Variants in RGS7 observed in about 807,000 individuals in gnomAD.
RGS7 encodes regulator of G protein signaling 7, also known as regulator of G-protein signaling 7.
A neutral mutation model predicts 81.1 loss-of-function variants in RGS7; 27 were observed. That is an observed-to-expected ratio of 0.33 (90% confidence interval 0.25 to 0.46). The LOEUF is 0.46. Ranked by LOEUF, RGS7 falls within the 20% of genes least tolerant of loss-of-function variation. The probability of loss-of-function intolerance (pLI) is 1.00; values close to 1 mark genes in which losing one functional copy is unlikely to be tolerated. For synonymous variants in RGS7, 208 were observed against 207.7 expected (o/e 1.00, Z -0.01); for missense variants, 396 against 607.4 (o/e 0.65, Z 3.66).
chr1:241,292,358 G>A (rs1274336594), intron 2 of RGS7, among the ~76,000 whole-genome samples: 1 of 152,060 alleles, frequency 6.6e-6, no homozygotes, highest in African/African-American at 2.4e-5. Context: ...TATTCAACTA[G>A]CAGCTTAGTG....
intron 2 of RGS7, among the ~76,000 whole-genome samples, chr1:241,116,282 G>A (rs1210467543): frequency 6.6e-6 from 1 of 152,040 alleles, no homozygotes; most frequent in African/African-American, 2.4e-5. Flanking sequence ...AGAATACAGT[G>A]AGCCACAGGT....
At chr1:241,263,305 A>G (rs1022457323) in intron 2 of RGS7, among the ~76,000 whole-genome samples, 2 of 151,984 alleles carry the variant, frequency 1.3e-5, no homozygotes, top group African/African-American at 2.4e-5. Context: ...TATATAAAAT[A>G]AAATATTATC....
intron 2 of RGS7, among the ~76,000 whole-genome samples, chr1:241,120,681 C>T (rs963012926): frequency 1.3e-5 from 2 of 152,048 alleles, no homozygotes; most frequent in Admixed American, 1.3e-4. Flanking sequence ...AAATTTTGTA[C>T]TGTACAGAGA....
At chr1:241,356,088 A>G (rs2083545080) in intron 1 of RGS7, among the ~76,000 whole-genome samples, 1 of 152,192 alleles carries the variant, frequency 6.6e-6, no homozygotes. Context: ...ACTCATTTTG[A>G]GAAGTGTTTG....
intron 9 of RGS7, among the ~76,000 whole-genome samples, chr1:240,859,440 G>GTTTTTTTTTTTTTTTTTTTTTTTTTTTCT (rs5782167): frequency 1.8e-5 from 2 of 110,828 alleles, no homozygotes; most frequent in African/African-American, 3.4e-5. Context: ...TTTCTTTCCT[G>GTTTTTTTTTTTTTTTTTTTTTTTTTTTCT]TTTTTTTTTT....
chr1:241,235,085 T>C (rs965609708), intron 2 of RGS7, among the ~76,000 whole-genome samples: 3 of 152,200 alleles, frequency 2.0e-5, no homozygotes, highest in Admixed American at 1.3e-4. Context: ...ATTTATACAA[T>C]GATTCCATGG....
intron 3 of RGS7, among the ~76,000 whole-genome samples, chr1:241,066,767 T>G (rs2062086081): frequency 6.6e-6 from 1 of 152,208 alleles, no homozygotes; most frequent in South Asian, 2.1e-4. Flanking sequence ...CAAATCTATT[T>G]ACATGCATTT....
At chr1:241,148,782 C>T (rs1343737422) in intron 2 of RGS7, among the ~76,000 whole-genome samples, 1 of 152,192 alleles carries the variant, frequency 6.6e-6, no homozygotes, top group Non-Finnish European at 1.5e-5. Context: ...TACTATTTGT[C>T]ATATATATAT....
rs777969498 is a variant in RGS7, at chr1:241,115,783, T to A, written c.79-17021A>T. Among the ~76,000 whole-genome samples, 7 of 151,998 alleles carry A rather than the reference T, an allele frequency of 4.6e-5. No homozygotes were observed. The South Asian group carries it at 1.5e-3, about 32-fold the overall frequency. ...TGACCTATGTAGGAAATCTGTGAAC[T>A]GAGTAAGTAGTCATATGAAACCAAA... On this transcript the variant is annotated intron_variant, in intron 2 of 18. Coordinates refer to ENST00000440928, the MANE Select transcript of RGS7 (RefSeq NM_001364886.1).
At chr1:240,937,835 C>G (rs1006085647) in intron 4 of RGS7, among the ~76,000 whole-genome samples, 7 of 152,112 alleles carry the variant, frequency 4.6e-5, no homozygotes, top group African/African-American at 1.7e-4. Context: ...AAAGATTGTT[C>G]TAGCTTTTAC....
rs148364964 is a variant in RGS7 at position 241,320,040 on chromosome 1, G to A, written c.78+35659C>T. Reference sequence around the variant, plus strand: ...CGGGAGGCGGAGGTTGCAGTGAGCTGAGATTGTGCCACTGCACTCCAGCCT... The same window carrying A: ...CGGGAGGCGGAGGTTGCAGTGAGCTAAGATTGTGCCACTGCACTCCAGCCT... On this transcript the variant is annotated intron_variant, in intron 2 of 18. Transcript: ENST00000440928. 7.5e-3 allele frequency among the ~76,000 whole-genome samples: 1,143 copies of A among 152,266 alleles called. 15 individuals are homozygous for A. Among genetic ancestry groups the A allele is most frequent in the African/African-American group, 0.026 (1,094 of 41,552 alleles).
At chr1:241,259,664 A>AT (rs1397944465) in intron 2 of RGS7, among the ~76,000 whole-genome samples, 32 of 99,340 alleles carry the variant, frequency 3.2e-4, no homozygotes, top group Non-Finnish European at 4.8e-4. Context: ...AAAAAAAAAA[A>AT]AAAATATATA....
chr1:241,329,629 A>T (rs148031504), intron 2 of RGS7, among the ~76,000 whole-genome samples: 1 of 152,198 alleles, frequency 6.6e-6, no homozygotes, highest in Admixed American at 6.5e-5. Flanking sequence ...GTTATTCCAT[A>T]ATGACCATAA....
chr1:241,042,648 G>A (rs1392345172), intron 3 of RGS7, among the ~76,000 whole-genome samples: 1 of 131,474 alleles, frequency 7.6e-6, no homozygotes, highest in Non-Finnish European at 1.6e-5. Flanking sequence ...CCCTTGGCCG[G>A]GCCGGGCTTG....
chr1:241,218,735 C>T (rs2074719987), intron 2 of RGS7, among the ~76,000 whole-genome samples: 2 of 152,304 alleles, frequency 1.3e-5, no homozygotes, highest in Admixed American at 1.3e-4. Context: ...ACCTCCACCT[C>T]CCAGGTTCAC....
chr1:240,841,666 C>A (rs1476862411), intron 9 of RGS7, among the ~76,000 whole-genome samples: 1 of 152,164 alleles, frequency 6.6e-6, no homozygotes, highest in African/African-American at 2.4e-5. Flanking sequence ...TGAAGCATAT[C>A]AAAGATTCAA....
chr1:241,091,735 A>C (rs2063898622), intron 3 of RGS7, among the ~76,000 whole-genome samples: 1 of 151,696 alleles, frequency 6.6e-6, no homozygotes, highest in Non-Finnish European at 1.5e-5. Flanking sequence ...AAAGTTTAAA[A>C]AATTAGCCAG....
intron 13 of RGS7, among the ~76,000 whole-genome samples, chr1:240,813,161 A>G (rs1442893885): frequency 6.6e-6 from 1 of 152,168 alleles, no homozygotes; most frequent in Non-Finnish European, 1.5e-5. Context: ...TTTTCTTAGG[A>G]AGTGTCTTGC....
At chr1:240,834,614 C>T (rs1694380105) in intron 9 of RGS7, among the ~76,000 whole-genome samples, 1 of 152,068 alleles carries the variant, frequency 6.6e-6, no homozygotes, top group Non-Finnish European at 1.5e-5. Context: ...GGGTTCACGC[C>T]ATTCTCCTGC....
Sources: gnomAD v4.1 joint callset for allele counts (sites outside exome capture counted in the v4.1 genomes callset) on GRCh38, gnomAD v4.1.1 for gene constraint, MANE v1.5 for transcripts, NCBI Gene and HGNC (gene_info 2026-07-23, HGNC 2026-07-21) for gene names.